Variants in OLFML2B observed in about 807,000 individuals in gnomAD.
OLFML2B encodes olfactomedin-like protein 2B.
OLFML2B carries 57 observed loss-of-function variants against 74.9 expected under a neutral mutation model. The observed-to-expected ratio is 0.76, with a 90% CI of 0.61 to 0.95. The LOEUF (loss-of-function observed/expected upper bound fraction) is 0.95. OLFML2B is among the 40% of genes least tolerant of loss of function. OLFML2B has a pLI of 0.00. For missense variants in OLFML2B, 986 were observed against 970.6 expected (o/e 1.02, Z -0.21); for synonymous variants, 388 against 405.8 (o/e 0.96, Z 0.53).
chr1:161,993,606 C>A (rs1200981051), intron 6 of OLFML2B, among the ~76,000 whole-genome samples: 1 of 152,138 alleles, frequency 6.6e-6, no homozygotes, highest in Non-Finnish European at 1.5e-5. Flanking sequence ...TTCTCATTCC[C>A]TTCATCATCA....
rs556665283 is a variant in OLFML2B at position 161,984,950 on chromosome 1, G to A, written c.1505C>T (p.Thr502Met). Residue 502 changes from threonine (T) to methionine (M), a missense_variant, in exon 7 of 8, where the codon ACG becomes ATG. Thr to Met is a moderately conservative substitution (Grantham distance 81, BLOSUM62 -1). Coordinates refer to ENST00000294794, the MANE Select transcript of OLFML2B (RefSeq NM_015441.3). ...ATATGTGTTCTGGGTGGTCGGCCCC[G>A]TGATTGTGGAGAGAGTGTCCTTGCA... ...GRCKDTLSTI[T>M]GPTTQNTYGR... The A allele has an allele frequency of 2.2e-5, 35 of 1,610,830 alleles. No homozygotes were observed. The highest frequency in any genetic ancestry group is 1.7e-4 in the Middle Eastern group (1 of 6,028).
chr1:161,986,775 G>A (rs933041235), intron 6 of OLFML2B, among the ~76,000 whole-genome samples: 1 of 152,208 alleles, frequency 6.6e-6, no homozygotes, highest in Non-Finnish European at 1.5e-5. Context: ...CATGAGGATT[G>A]CCATCACCGG....
intron 6 of OLFML2B, among the ~76,000 whole-genome samples, chr1:161,989,145 C>G (rs1330879238): frequency 1.3e-5 from 2 of 152,242 alleles, no homozygotes; most frequent in African/African-American, 2.4e-5. Flanking sequence ...CTAACTTATC[C>G]TCCCCAGTAT....
chr1:162,020,123 C>T lies in OLFML2B; in HGVS notation c.234G>A (p.Lys78=). ...CCCGGCCCAGGGGTCTCACCACACA[C>T]TTGCACTGACAGTCCGAGCCCTCAG... ...AMSEGSDCQC[K]CVVRPLGRDA... is the part of the protein sequence containing the mutation. Residue 78 remains lysine (K), a synonymous_variant, in exon 2 of 8, where the codon AAG becomes AAA. Coordinates refer to ENST00000294794, the MANE Select transcript of OLFML2B (RefSeq NM_015441.3). 1 of 1,614,204 alleles carries T rather than the reference C, an allele frequency of 6.2e-7. No homozygotes were observed. The highest frequency in any genetic ancestry group is 1.1e-5 in the South Asian group (1 of 91,086).
intron 6 of OLFML2B, among the ~76,000 whole-genome samples, chr1:161,995,384 C>G (rs892273734): frequency 5.9e-5 from 9 of 152,188 alleles, no homozygotes; most frequent in Admixed American, 4.6e-4. Flanking sequence ...AACCTTACAT[C>G]GTCAGCATGA....
rs576457585 is a variant in OLFML2B, at chr1:162,005,661, G to A, written c.723+636C>T. Among the ~76,000 whole-genome samples, 51 of 152,260 alleles carry A rather than the reference G, an allele frequency of 3.3e-4. No homozygotes were observed. The South Asian group carries it at 8.7e-3, about 26-fold the overall frequency. On this transcript the variant is annotated intron_variant, in intron 4 of 7. Coordinates refer to ENST00000294794, the MANE Select transcript of OLFML2B (RefSeq NM_015441.3). ...CATCCCAGTGATTTGGGAGGCTGACGCAGAAGGATTGCTTGTGGCCAGGAG... is the reference window on the plus strand; with the variant it reads ...CATCCCAGTGATTTGGGAGGCTGACACAGAAGGATTGCTTGTGGCCAGGAG...
At chr1:161,985,841 C>T (rs1361655653) in intron 6 of OLFML2B, among the ~76,000 whole-genome samples, 1 of 152,184 alleles carries the variant, frequency 6.6e-6, no homozygotes, top group African/African-American at 2.4e-5. Context: ...TCAAGTCGGC[C>T]ACGATGGGAC....
In OLFML2B at chr1:161,983,783, C is replaced by A; in HGVS notation, c.2145G>T (p.Glu715Asp). 6.2e-7 allele frequency: 1 copy of A among 1,614,094 alleles called. No homozygotes were observed. Among genetic ancestry groups the A allele is most frequent in the Non-Finnish European group, 8.5e-7 (1 of 1,180,012 alleles). Reference sequence around the variant, plus strand: ...TCTGGGTCGTATAGGAATACTCATTCTCGAACAGCAGCCTGGGGACGATCT... The same window carrying A: ...TCTGGGTCGTATAGGAATACTCATTATCGAACAGCAGCCTGGGGACGATCT... Reference protein sequence around the residue: ...NTQIVPRLLFENEYSYTTQID... With the variant: ...NTQIVPRLLFDNEYSYTTQID... The change falls in exon 8 of 8, where the codon GAG becomes GAT. Residue 715 changes from glutamate to aspartate, a missense_variant. Transcript: ENST00000294794.
At chr1:162,016,418 C>G (rs546723076) in intron 3 of OLFML2B, among the ~76,000 whole-genome samples, 70 of 152,282 alleles carry the variant, frequency 4.6e-4, no homozygotes, top group Non-Finnish European at 3.5e-4. Context: ...AATCATAGAT[C>G]GAAGAACCTT....
In OLFML2B at chr1:162,023,778, G is replaced by GC; in HGVS notation, c.-349dup. On this transcript the variant is annotated 5_prime_UTR_variant, in exon 1 of 8. Coordinates refer to ENST00000294794, the MANE Select transcript of OLFML2B (RefSeq NM_015441.3). ...GTTCGGACAGACGCCCGCGGTGCGC[G>GC]CCGGGACGGGCGGCGGGGAGCCTCG... The GC allele has an allele frequency of 5.9e-6, 1 of 170,616 alleles. No homozygotes were observed. 10.6% of individuals were successfully genotyped at this position (170,616 alleles called of 1,614,324 possible).
At chr1:162,003,620 G>A (rs4348701) in intron 4 of OLFML2B, among the ~76,000 whole-genome samples, 13,663 of 152,078 alleles carry the variant, frequency 0.09, 717 homozygotes, top group African/African-American at 0.13. Context: ...TCCTGGAGTC[G>A]AATGTTCCTA....
intron 4 of OLFML2B, among the ~76,000 whole-genome samples, chr1:162,002,438 G>A (rs916047543): frequency 1.6e-4 from 24 of 152,210 alleles, no homozygotes; most frequent in African/African-American, 5.8e-4. Context: ...CCAGTGCCCG[G>A]AGGCAGGGCA....
At chr1:162,017,275 C>T in intron 3 of OLFML2B, 125 bp downstream of exon 3, 15 of 666,998 alleles carry the variant, frequency 2.2e-5, no homozygotes, top group Non-Finnish European at 2.8e-5. Flanking sequence ...TATATTTTCC[C>T]TTTCATAGAA....
rs1689524812 is a variant in OLFML2B at position 161,984,276 on chromosome 1, C to T, written c.1652G>A (p.Gly551Asp). 5 of 1,518,016 alleles carry T rather than the reference C, an allele frequency of 3.3e-6. No homozygotes were observed. Among genetic ancestry groups the T allele is most frequent in the Non-Finnish European group, 4.4e-6 (5 of 1,133,944 alleles). The allele number at this position is 1,518,016 out of a possible 1,614,324, so 94.0% of individuals were successfully genotyped here. The change falls in exon 8 of 8, where the codon GGT becomes GAT. Residue 551 changes from glycine to aspartate, a missense_variant and splice_region_variant. By Grantham distance (94) the Gly-to-Asp change is moderately conservative (BLOSUM62 -1). Coordinates refer to ENST00000294794, the MANE Select transcript of OLFML2B (RefSeq NM_015441.3). ...EFRNLENFKQ[G>D]RWSNSYKLPY... The stretch of plus-strand genomic sequence containing the variant: ...GAGCTTGTAGGAATTGCTCCAGCGA[C>T]CTGCAGGTGGGGAGAAAACAGGAGG...
chr1:162,023,437 C>G lies in OLFML2B; in HGVS notation c.-7G>C. 6.5e-7 allele frequency: 1 copy of G among 1,549,472 alleles called. No individual in the cohort carries two copies. Among genetic ancestry groups the G allele is most frequent in the Non-Finnish European group, 8.7e-7 (1 of 1,143,184 alleles). ...GCAGCCGAGGCTTGGCCATGAGGGG[C>G]GCGATAAGAGTGTCCTCAGCCCCTT... is the stretch of plus-strand genomic sequence containing the variant. On this transcript the variant is annotated 5_prime_UTR_variant, in exon 1 of 8. Transcript: ENST00000294794.
Position 162,023,489 on chromosome 1 carries a change from C to A in OLFML2B, c.-59G>T. 7.2e-7 allele frequency: 1 copy of A among 1,387,714 alleles called. No homozygotes were observed. The highest frequency in any genetic ancestry group is 9.4e-7 in the Non-Finnish European group (1 of 1,058,458). 86.0% of individuals were successfully genotyped at this position (1,387,714 alleles called of 1,614,324 possible). Reference sequence around the variant, plus strand: ...AGAGAATGGCTGGGGCGGGGGGTCTCGGCAAGGACTTCTGCGAGAGGGTGT... The same window carrying A: ...AGAGAATGGCTGGGGCGGGGGGTCTAGGCAAGGACTTCTGCGAGAGGGTGT... On this transcript the variant is annotated 5_prime_UTR_variant, in exon 1 of 8. Transcript: ENST00000294794.
intron 2 of OLFML2B, 51 bp from the exon 3 acceptor site, chr1:162,017,558 G>T: frequency 7.3e-7 from 1 of 1,376,414 alleles, no homozygotes; most frequent in African/African-American, 1.5e-5. Context: ...ACAGACACAG[G>T]GCAGAGTTTC....
intron 2 of OLFML2B, among the ~76,000 whole-genome samples, chr1:162,017,858 A>G (rs969916826): frequency 9.2e-5 from 14 of 152,238 alleles, no homozygotes; most frequent in African/African-American, 3.4e-4. Flanking sequence ...GTAGTGTCTC[A>G]ATAGCAAAGA....
At chr1:161,999,193 G>GAC (rs1354964940) in intron 5 of OLFML2B, among the ~76,000 whole-genome samples, 1 of 152,164 alleles carries the variant, frequency 6.6e-6, no homozygotes, top group East Asian at 1.9e-4. Context: ...TCTTAGAGAG[G>GAC]ACACAAAGAG....
Sources: gnomAD v4.1 joint callset for allele counts (sites outside exome capture counted in the v4.1 genomes callset) on GRCh38, gnomAD v4.1.1 for gene constraint, MANE v1.5 for transcripts, NCBI Gene and HGNC (gene_info 2026-07-23, HGNC 2026-07-21) for gene names.